The following IL17REL variants were observed in gnomAD, a reference collection of about 807,000 sequenced individuals.
IL17REL encodes interleukin-17 receptor E-like protein.
IL17REL carries 36 observed loss-of-function variants against 49.0 expected under a neutral mutation model. That is an observed-to-expected ratio of 0.73 (90% CI 0.56 to 0.97). IL17REL has a LOEUF of 0.97. Ranked by LOEUF, IL17REL falls within the 50% of genes least tolerant of loss-of-function variation. The probability of loss-of-function intolerance (pLI) is 0.00; values close to 1 mark genes in which losing one functional copy is unlikely to be tolerated. For missense variants in IL17REL, 470 were observed against 453.9 expected, an observed-to-expected ratio of 1.04 and a Z score of -0.32; for synonymous variants, 206 against 192.4, an observed-to-expected ratio of 1.07 and a Z score of -0.58.
At chr22:50,010,701 G>C (rs2061134754), upstream of IL17REL, among the ~76,000 whole-genome samples, 1 of 152,174 alleles carries the variant, frequency 6.6e-6, no homozygotes, top group African/African-American at 2.4e-5. Context: ...AGTGTCTGGG[G>C]CTGCAGGAGA....
chr22:49,997,059 C>A, exon 12 of IL17REL: 1 of 1,565,266 alleles, frequency 6.4e-7, no homozygotes, highest in South Asian at 1.2e-5. Flanking sequence ...AAAGCAGGGG[C>A]GGCTGCCAGG....
upstream of IL17REL, among the ~76,000 whole-genome samples, chr22:50,010,302 G>C (rs1176020188): frequency 6.6e-6 from 1 of 152,244 alleles, no homozygotes; most frequent in African/African-American, 2.4e-5. Flanking sequence ...GCTGCTGAGG[G>C]CTCCGCCCAG....
At chr22:50,010,645 G>A (rs986582491), upstream of IL17REL, among the ~76,000 whole-genome samples, 8 of 152,228 alleles carry the variant, frequency 5.3e-5, no homozygotes, top group African/African-American at 1.9e-4. Context: ...TCTCTCTCCT[G>A]ACTTCCTGGA....
chr22:50,012,009 G>A (rs866938753), upstream of IL17REL, among the ~76,000 whole-genome samples: 5 of 152,206 alleles, frequency 3.3e-5, no homozygotes, highest in East Asian at 1.9e-4. Flanking sequence ...CTTGGGCACC[G>A]GGGCCCCTTC....
At position 50,000,751 on chromosome 22, in the gene IL17REL, C is replaced by T. The variant is rs1168197760; in HGVS notation, c.219+3G>A. ...GGGTGGCAGAGCCCTGCCTTGGCCT[C>T]ACCTGCTGCCCCCCCTGCTGCCGGT... is the stretch of plus-strand genomic sequence containing the variant. On this transcript the variant is annotated splice_donor_region_variant and intron_variant, in intron 3 of 12. Transcript: ENST00000341280. 6.3e-7 allele frequency: 1 copy of T among 1,584,382 alleles called. No individual in the cohort carries two copies. Among genetic ancestry groups the T allele is most frequent in the Non-Finnish European group, 8.6e-7 (1 of 1,166,978 alleles).
exon 2 of IL17REL, chr22:50,001,197 G>A (rs9617098): frequency 0.043 from 68,433 of 1,573,358 alleles, 1,848 homozygotes; most frequent in Non-Finnish European, 0.053. Flanking sequence ...ACATGGACAC[G>A]GGGCGTGGCC....
At chr22:49,997,024 C>T (rs779809797) in exon 12 of IL17REL, 2 of 1,549,214 alleles carry the variant, frequency 1.3e-6, no homozygotes, top group Non-Finnish European at 1.7e-6. Flanking sequence ...CACAGGCCTC[C>T]TCCCTGGGAA....
intron 1 of IL17REL, among the ~76,000 whole-genome samples, chr22:50,004,448 G>A (rs1474950560): frequency 6.6e-6 from 1 of 152,172 alleles, no homozygotes; most frequent in African/African-American, 2.4e-5. Context: ...GAGTGGGGAG[G>A]GGAGTGAGGG....
exon 13 of IL17REL, chr22:49,996,783 C>A: frequency 2.0e-6 from 1 of 503,710 alleles, no homozygotes; most frequent in Non-Finnish European, 3.5e-6. Context: ...TCCTGCGGCC[C>A]CTGAGAGATG....
chr22:49,994,068 C>G (rs1158509694), downstream of IL17REL, among the ~76,000 whole-genome samples: 1 of 149,704 alleles, frequency 6.7e-6, no homozygotes, highest in Admixed American at 6.7e-5. Context: ...TGTATCCCCC[C>G]ATTCCCCTGA....
At chr22:49,999,496 C>T in exon 6 of IL17REL, 2 of 1,502,258 alleles carry the variant, frequency 1.3e-6, no homozygotes, top group Non-Finnish European at 9.0e-7. Flanking sequence ...ACGCTGTTGG[C>T]GGTCACCTGC....
chr22:49,991,983 G>C (rs568672215), downstream of IL17REL, among the ~76,000 whole-genome samples: 8 of 152,322 alleles, frequency 5.3e-5, 1 homozygote, highest in Admixed American at 5.2e-4. Context: ...GTTCTGTCTG[G>C]AAAAGTGGGA....
At chr22:50,007,032 A>G (rs1224221881) in intron 1 of IL17REL, among the ~76,000 whole-genome samples, 2 of 152,050 alleles carry the variant, frequency 1.3e-5, no homozygotes, top group East Asian at 1.9e-4. Flanking sequence ...GAAATTTTTC[A>G]TAAAATTCAA....
chr22:50,009,426 C>T (rs1053920491), upstream of IL17REL, among the ~76,000 whole-genome samples: 3 of 152,276 alleles, frequency 2.0e-5, no homozygotes, highest in South Asian at 4.1e-4. Flanking sequence ...AGAAGGCGCC[C>T]GGCACCCCGG....
intron 1 of IL17REL, among the ~76,000 whole-genome samples, chr22:50,006,715 A>G (rs1303630455): frequency 6.6e-6 from 1 of 152,120 alleles, no homozygotes; most frequent in Non-Finnish European, 1.5e-5. Context: ...GCACTTTGGG[A>G]GGCCGAGGCG....
At chr22:50,009,161 G>C (rs1189636244), upstream of IL17REL, 2 of 151,664 alleles carry the variant, frequency 1.3e-5, no homozygotes, top group Non-Finnish European at 2.9e-5. Flanking sequence ...AGGGGTGCTT[G>C]GGGGGCCTCA....
At chr22:50,004,279 A>G (rs992766397) in intron 1 of IL17REL, among the ~76,000 whole-genome samples, 1 of 152,178 alleles carries the variant, frequency 6.6e-6, no homozygotes, top group Non-Finnish European at 1.5e-5. Flanking sequence ...GGGTTTCGCC[A>G]TGTTGGCCAG....
intron 1 of IL17REL, among the ~76,000 whole-genome samples, chr22:50,008,001 G>C (rs1173159108): frequency 6.6e-6 from 1 of 152,138 alleles, no homozygotes; most frequent in Non-Finnish European, 1.5e-5. Context: ...CACTTTGGGA[G>C]GCCGAGGCAG....
chr22:50,012,043 G>A (rs927688666), upstream of IL17REL, among the ~76,000 whole-genome samples: 5 of 151,810 alleles, frequency 3.3e-5, no homozygotes, highest in Non-Finnish European at 7.4e-5. Context: ...TACACTTCCT[G>A]CTGCAGGTGC....
Sources: gnomAD v4.1 joint callset for allele counts (sites outside exome capture counted in the v4.1 genomes callset) on GRCh38, gnomAD v4.1.1 for gene constraint, MANE v1.5 for transcripts, NCBI Gene and HGNC (gene_info 2026-07-23, HGNC 2026-07-21) for gene names.